MICAL3: variants seen among roughly 807,000 people sequenced by gnomAD.
The protein encoded by MICAL3 is [F-actin]-monooxygenase MICAL3.
In MICAL3, 62 loss-of-function variants were observed where a neutral mutation model predicts 207.4. The ratio of observed to expected loss-of-function variants is 0.30; its 90% CI spans 0.24 to 0.37. The LOEUF is 0.37. MICAL3 is among the 10% of genes least tolerant of loss of function. MICAL3 has a pLI of 1.00. For missense variants in MICAL3, 2,368 were observed against 2,635.6 expected (o/e 0.90, Z 2.22); for synonymous variants, 1,077 against 1,069.3 (o/e 1.01, Z -0.14).
intron 1 of MICAL3, among the ~76,000 whole-genome samples, chr22:18,018,885 T>C (rs1248106780): frequency 6.6e-6 from 1 of 152,038 alleles, no homozygotes; most frequent in Non-Finnish European, 1.5e-5. Flanking sequence ...TATTTTCTAT[T>C]CTTTCTTTTT....
At chr22:17,851,761 C>T (rs936660912) in intron 19 of MICAL3, among the ~76,000 whole-genome samples, 19 of 152,188 alleles carry the variant, frequency 1.2e-4, no homozygotes, top group Admixed American at 7.9e-4. Flanking sequence ...GAAATTCTGA[C>T]GAAGACGCCA....
At chr22:17,931,697 G>A (rs1321678846) in intron 1 of MICAL3, among the ~76,000 whole-genome samples, 1 of 152,214 alleles carries the variant, frequency 6.6e-6, no homozygotes, top group Non-Finnish European at 1.5e-5. Flanking sequence ...AGGAAGGGCA[G>A]GGATGAGTCA....
intron 1 of MICAL3, among the ~76,000 whole-genome samples, chr22:17,916,483 G>C (rs1932523930): frequency 6.6e-6 from 1 of 152,124 alleles, no homozygotes; most frequent in Non-Finnish European, 1.5e-5. Flanking sequence ...TCAATGCTTT[G>C]TTCACAACTT....
intron 1 of MICAL3, among the ~76,000 whole-genome samples, chr22:17,994,753 G>A (rs187884079): frequency 6.6e-6 from 1 of 152,076 alleles, no homozygotes; most frequent in African/African-American, 2.4e-5. Context: ...AGAAGCATGG[G>A]CAGGAGAGAA....
rs539460499 is a variant in MICAL3, at chr22:17,855,531, G to A, written c.2605+9368C>T. Among the ~76,000 whole-genome samples the A allele has an allele frequency of 2.6e-5, 4 of 152,300 alleles. No individual in the cohort carries two copies. The South Asian group carries it at 8.3e-4, about 32-fold the overall frequency. ...CAATCCTCCACATCACTGGCAGGGC[G>A]GACGGATGGAGGAAGGGCTTACTCT... On this transcript the variant is annotated intron_variant, in intron 19 of 31. Coordinates refer to ENST00000441493, the MANE Select transcript of MICAL3 (RefSeq NM_015241.3).
intron 22 of MICAL3, among the ~76,000 whole-genome samples, chr22:17,826,940 G>GT (rs1413171321): frequency 1.3e-5 from 2 of 152,264 alleles, no homozygotes; most frequent in Admixed American, 1.3e-4. Context: ...CTGGCAGGGG[G>GT]TGTGGCCCGT....
chr22:18,017,966 G>A (rs394443), intron 1 of MICAL3, among the ~76,000 whole-genome samples: 25,737 of 151,800 alleles, frequency 0.17, 3,096 homozygotes, highest in African/African-American at 0.33. Context: ...TAGCCAGGAT[G>A]GTCTCGATCT....
At chr22:17,975,380 T>G (rs1935588052) in intron 1 of MICAL3, among the ~76,000 whole-genome samples, 1 of 151,984 alleles carries the variant, frequency 6.6e-6, no homozygotes, top group Admixed American at 6.6e-5. Context: ...AAAAAAAATC[T>G]CATACCCTAC....
In MICAL3 at chr22:17,889,064, C is replaced by G. The variant is rs770762523; in HGVS notation, c.1861G>C (p.Glu621Gln). Residue 621 changes from glutamate (E) to glutamine (Q), a missense_variant, in exon 13 of 32, where the codon GAG becomes CAG. Physicochemically the swap from Glu to Gln is conservative, Grantham distance 29. Around this residue, in one of 4 missense-constraint regions of MICAL3, gnomAD observed 1,770 missense variants for 1,863.2 expected, o/e 0.95. Coordinates refer to ENST00000441493, the MANE Select transcript of MICAL3 (RefSeq NM_015241.3). The stretch of plus-strand genomic sequence containing the variant: ...GAGGGGAGGGAGTCCTTAAACATCT[C>G]GTAGAACTGAGTCAGGTACATCACC... The part of the protein sequence containing the change: ...SMVMYLTQFY[E>Q]MFKDSLPSSD... 5.0e-6 allele frequency: 8 copies of G among 1,611,820 alleles called. No individual in the cohort carries two copies. Among genetic ancestry groups the G allele is most frequent in the Middle Eastern group, 1.7e-4 (1 of 6,050 alleles).
At chr22:17,889,867 C>A (rs936088189) in intron 12 of MICAL3, among the ~76,000 whole-genome samples, 3 of 152,052 alleles carry the variant, frequency 2.0e-5, no homozygotes, top group African/African-American at 7.3e-5. Context: ...TTGTGTATGG[C>A]CCATCCACAT....
At chr22:17,863,254 C>T (rs980030535) in intron 19 of MICAL3, 11 of 985,276 alleles carry the variant, frequency 1.1e-5, no homozygotes, top group African/African-American at 1.7e-5. Context: ...ATGTTCTGTA[C>T]TCCAAACCGA....
chr22:17,888,746 G>A (rs2146226090), intron 13 of MICAL3, among the ~76,000 whole-genome samples: 1 of 152,242 alleles, frequency 6.6e-6, no homozygotes, highest in East Asian at 1.9e-4. Context: ...GGCTGGCTCT[G>A]AGAGCACGAG....
At chr22:17,980,828 C>A in intron 1 of MICAL3, 1 of 505,672 alleles carries the variant, frequency 2.0e-6, no homozygotes, top group Non-Finnish European at 4.2e-6. Context: ...CGCCCAGATG[C>A]GGCTGTGCTG....
intron 19 of MICAL3, chr22:17,862,190 G>C: frequency 1.0e-6 from 1 of 985,180 alleles, no homozygotes; most frequent in Non-Finnish European, 1.2e-6. Flanking sequence ...GGTTACCATG[G>C]GCCTGAGCTA....
chr22:17,832,006 C>G lies in MICAL3; in HGVS notation c.2903G>C (p.Arg968Pro), dbSNP rs767183611. 1.2e-6 allele frequency: 2 copies of G among 1,605,902 alleles called. No individual in the cohort carries two copies. Among genetic ancestry groups the G allele is most frequent in the South Asian group, 2.2e-5 (2 of 89,314 alleles). Reference sequence around the variant, plus strand: ...TTTCCCTTTCAGAAGGGCATGGATCCGCACGGCCTCCTTCCACGGAACACC... The same window carrying G: ...TTTCCCTTTCAGAAGGGCATGGATCGGCACGGCCTCCTTCCACGGAACACC... ...LGGVPWKEAV[R>P]IHALLKGKSE... is the part of the protein sequence containing the mutation. Residue 968 changes from arginine (R) to proline (P), a missense_variant, in exon 21 of 32, where the codon CGG becomes CCG. Arg to Pro is a moderately radical substitution (Grantham distance 103, BLOSUM62 -2). Coordinates refer to ENST00000441493, the MANE Select transcript of MICAL3 (RefSeq NM_015241.3).
chr22:17,828,110 G>A (rs1258020764), intron 21 of MICAL3, among the ~76,000 whole-genome samples: 1 of 152,202 alleles, frequency 6.6e-6, no homozygotes, highest in African/African-American at 2.4e-5. Context: ...GGGGGCCCAT[G>A]CACCAAGATG....
At chr22:17,876,103 C>G (rs1928305224) in intron 16 of MICAL3, among the ~76,000 whole-genome samples, 1 of 152,124 alleles carries the variant, frequency 6.6e-6, no homozygotes, top group Non-Finnish European at 1.5e-5. Context: ...CTCTGCTTGC[C>G]AAAGAGCCAG....
At chr22:17,819,974 A>G (rs1177805311) in intron 25 of MICAL3, among the ~76,000 whole-genome samples, 1 of 145,290 alleles carries the variant, frequency 6.9e-6, no homozygotes, top group Non-Finnish European at 1.5e-5. Context: ...AAAAAAATCC[A>G]ATCAGTGAAC....
chr22:17,964,808 CA>C (rs1935070487), intron 1 of MICAL3, among the ~76,000 whole-genome samples: 1 of 152,162 alleles, frequency 6.6e-6, no homozygotes, highest in Admixed American at 6.5e-5. Context: ...TTTTAAAAAA[CA>C]AAGCAAAACA....
Sources: gnomAD v4.1 joint callset for allele counts (sites outside exome capture counted in the v4.1 genomes callset) on GRCh38, gnomAD v4.1.1 for gene constraint, gnomAD v4.1.1 regional missense constraint, MANE v1.5 for transcripts, NCBI Gene and HGNC (gene_info 2026-07-23, HGNC 2026-07-21) for gene names.